CHCHD6: variants seen among roughly 807,000 people sequenced by gnomAD.
CHCHD6 encodes MICOS complex subunit MIC25.
In CHCHD6, 28 loss-of-function variants were observed where a neutral mutation model predicts 32.3. That is an observed-to-expected ratio of 0.87 (90% CI 0.64 to 1.19). CHCHD6 has a LOEUF of 1.19. CHCHD6 is among the 50% of genes most tolerant of loss of function. The pLI is 0.00. For synonymous variants in CHCHD6, 122 were observed against 117.5 expected (o/e 1.04, Z -0.25); for missense variants, 333 against 307.0 (o/e 1.08, Z -0.63).
At chr3:126,823,587 G>T (rs1348595901) in intron 4 of CHCHD6, among the ~76,000 whole-genome samples, 4 of 152,058 alleles carry the variant, frequency 2.6e-5, no homozygotes, top group Non-Finnish European at 2.9e-5. Flanking sequence ...TGACTTACTA[G>T]TTCATGTATT....
At chr3:126,906,982 G>A (rs2078017217) in intron 5 of CHCHD6, among the ~76,000 whole-genome samples, 1 of 152,170 alleles carries the variant, frequency 6.6e-6, no homozygotes, top group Non-Finnish European at 1.5e-5. Flanking sequence ...CATGGGTGTG[G>A]GCAGAGGCAT....
chr3:126,729,054 T>C (rs1310733852), intron 2 of CHCHD6, among the ~76,000 whole-genome samples: 1 of 152,136 alleles, frequency 6.6e-6, no homozygotes, highest in African/African-American at 2.4e-5. Flanking sequence ...AATAAAAGAT[T>C]GAAATGTATG....
intron 4 of CHCHD6, among the ~76,000 whole-genome samples, chr3:126,826,691 C>T (rs1284089687): frequency 6.6e-6 from 1 of 152,006 alleles, no homozygotes; most frequent in African/African-American, 2.4e-5. Flanking sequence ...ATATATATAT[C>T]TAATAATAAA....
chr3:126,833,520 C>A (rs144751754), intron 4 of CHCHD6, among the ~76,000 whole-genome samples: 78 of 152,310 alleles, frequency 5.1e-4, no homozygotes, highest in African/African-American at 1.7e-3. Context: ...TGGAGACCTA[C>A]TGGGAAGCAG....
At chr3:126,771,741 G>A (rs1937546514) in intron 4 of CHCHD6, among the ~76,000 whole-genome samples, 1 of 151,974 alleles carries the variant, frequency 6.6e-6, no homozygotes, top group Non-Finnish European at 1.5e-5. Context: ...TGTTAATTGG[G>A]GATCTTTCTA....
chr3:126,895,528 G>A (rs968092750), intron 5 of CHCHD6, among the ~76,000 whole-genome samples: 7 of 152,186 alleles, frequency 4.6e-5, no homozygotes, highest in Admixed American at 4.6e-4. Flanking sequence ...ATGTCATTTG[G>A]GCCAGTAGAA....
At position 126,925,656 on chromosome 3, in the gene CHCHD6, G is replaced by A. The variant is rs1576610497; in HGVS notation, c.566+10906G>A. Among the ~76,000 whole-genome samples, 3 of 152,296 alleles carry A rather than the reference G, an allele frequency of 2.0e-5. No homozygotes were observed. In the East Asian group the frequency reaches 5.8e-4, roughly 29 times the overall value. ...CCCTTGGCTGGCAGGCAGGCAGCCA[G>A]CCACCATGCTTCTCCTAGGAAGTAT... On this transcript the variant is annotated intron_variant, in intron 6 of 7. Transcript: ENST00000290913.
At chr3:126,855,905 G>A (rs184682268) in intron 5 of CHCHD6, among the ~76,000 whole-genome samples, 128 of 152,276 alleles carry the variant, frequency 8.4e-4, no homozygotes, top group Non-Finnish European at 1.3e-4. Flanking sequence ...CAGGAGAACC[G>A]CAAGGTCCCA....
intron 4 of CHCHD6, among the ~76,000 whole-genome samples, chr3:126,766,256 A>G (rs1366645947): frequency 1.3e-5 from 2 of 152,206 alleles, no homozygotes; most frequent in South Asian, 2.1e-4. Context: ...TGGAAAGCAT[A>G]CAGAACAAAA....
intron 4 of CHCHD6, among the ~76,000 whole-genome samples, chr3:126,785,050 T>G (rs988835476): frequency 2.0e-5 from 3 of 152,218 alleles, no homozygotes; most frequent in African/African-American, 4.8e-5. Context: ...TTCCCATGTT[T>G]CCTTCATCCA....
chr3:126,710,790 C>T (rs937759364), intron 1 of CHCHD6, among the ~76,000 whole-genome samples: 28 of 152,180 alleles, frequency 1.8e-4, no homozygotes, highest in African/African-American at 6.3e-4. Context: ...TATCTTGCAA[C>T]CTCGTTAGGC....
At chr3:126,913,992 A>G (rs534540154) in intron 5 of CHCHD6, among the ~76,000 whole-genome samples, 1 of 152,186 alleles carries the variant, frequency 6.6e-6, no homozygotes, top group Non-Finnish European at 1.5e-5. Flanking sequence ...GTAGGTGCAC[A>G]TGTACCGGGT....
At chr3:126,912,669 C>G (rs905255701) in intron 5 of CHCHD6, among the ~76,000 whole-genome samples, 9 of 152,216 alleles carry the variant, frequency 5.9e-5, no homozygotes, top group Non-Finnish European at 1.3e-4. Flanking sequence ...CCTGACTCCC[C>G]CGGCCCAGCC....
At chr3:126,904,921 T>A (rs1158505623) in intron 5 of CHCHD6, among the ~76,000 whole-genome samples, 2 of 152,026 alleles carry the variant, frequency 1.3e-5, no homozygotes, top group Non-Finnish European at 2.9e-5. Flanking sequence ...AAGGGTGGGG[T>A]GCCCTGGTGG....
intron 4 of CHCHD6, among the ~76,000 whole-genome samples, chr3:126,836,407 C>G (rs943584297): frequency 6.6e-6 from 1 of 152,208 alleles, no homozygotes; most frequent in Admixed American, 6.5e-5. Flanking sequence ...GGGACCTTCT[C>G]TGGTCATTCC....
intron 4 of CHCHD6, among the ~76,000 whole-genome samples, chr3:126,748,637 T>A (rs1306004356): frequency 1.3e-5 from 2 of 152,062 alleles, no homozygotes; most frequent in Non-Finnish European, 2.9e-5. Context: ...TACCATGATC[T>A]TCTTTCCAAC....
chr3:126,933,321 G>A (rs983994033), intron 6 of CHCHD6, among the ~76,000 whole-genome samples: 3 of 152,210 alleles, frequency 2.0e-5, no homozygotes, highest in Non-Finnish European at 2.9e-5. Context: ...CCAGGAGTGA[G>A]ATGAATGAAT....
intron 4 of CHCHD6, among the ~76,000 whole-genome samples, chr3:126,765,217 C>G (rs886699207): frequency 6.6e-6 from 1 of 152,206 alleles, no homozygotes; most frequent in African/African-American, 2.4e-5. Flanking sequence ...CTCATCTCCC[C>G]CATAAGCACC....
intron 6 of CHCHD6, among the ~76,000 whole-genome samples, chr3:126,945,769 G>A (rs1470441899): frequency 2.0e-5 from 3 of 149,840 alleles, no homozygotes; most frequent in Non-Finnish European, 4.5e-5. Context: ...GGGGAGACTC[G>A]AGCGGGGACA....
Sources: gnomAD v4.1 joint callset for allele counts (sites outside exome capture counted in the v4.1 genomes callset) on GRCh38, gnomAD v4.1.1 for gene constraint, MANE v1.5 for transcripts, NCBI Gene and HGNC (gene_info 2026-07-23, HGNC 2026-07-21) for gene names.